The following MACROD1 variants were observed in gnomAD, a reference collection of about 807,000 sequenced individuals.
MACROD1 encodes the protein ADP-ribose glycohydrolase MACROD1.
A neutral mutation model predicts 41.4 loss-of-function variants in MACROD1; 31 were observed. That is an observed-to-expected ratio of 0.75 (90% CI 0.56 to 1.01). MACROD1 has a LOEUF of 1.01. Ranked by LOEUF, MACROD1 falls within the 50% of genes least tolerant of loss-of-function variation. MACROD1 has a pLI of 0.00. For synonymous variants in MACROD1, 252 were observed against 203.4 expected, an observed-to-expected ratio of 1.24 and a Z score of -2.03; for missense variants, 473 against 460.0, an observed-to-expected ratio of 1.03 and a Z score of -0.26.
At chr11:64,071,930 T>C (rs946056101) in intron 3 of MACROD1, among the ~76,000 whole-genome samples, 1 of 152,200 alleles carries the variant, frequency 6.6e-6, no homozygotes, top group African/African-American at 2.4e-5. Context: ...GTGACACTTC[T>C]AGGTCCCGGC....
At chr11:63,998,744 C>G in intron 10 of MACROD1, 57 bp from the exon 11 acceptor site, 1 of 1,419,484 alleles carries the variant, frequency 7.0e-7, no homozygotes, top group Non-Finnish European at 9.2e-7. Flanking sequence ...CCCAGGCTGC[C>G]CCGTGGTTTC....
Position 63,999,031 on chromosome 11 carries a change from G to C in MACROD1, c.897C>G (p.Asp299Glu), listed in dbSNP as rs756410864. 10 of 1,603,022 alleles carry C rather than the reference G, an allele frequency of 6.2e-6. No homozygotes were observed. The South Asian group carries it at 1.1e-4, about 18-fold the overall frequency. The stretch of plus-strand genomic sequence containing the variant: ...CGAGGAACACGCAGATGATCAGCCG[G>C]TCCACCTGCGCCAGGGGCTGCTCAG... ...EWLEQHKDKV[D>E]RLIICVFLEK... Residue 299 changes from aspartate (D) to glutamate (E), a missense_variant, in exon 9 of 11, where the codon GAC (aspartate) becomes GAG (glutamate). Asp to Glu is a conservative substitution (Grantham distance 45). Transcript: ENST00000255681.
chr11:64,161,258 G>C (rs756130420), intron 1 of MACROD1, among the ~76,000 whole-genome samples: 3 of 152,212 alleles, frequency 2.0e-5, no homozygotes, highest in Non-Finnish European at 4.4e-5. Context: ...CAATGAAAAA[G>C]AGGGAACCAT....
chr11:64,121,754 G>A (rs572015757), intron 3 of MACROD1, among the ~76,000 whole-genome samples: 4 of 152,314 alleles, frequency 2.6e-5, no homozygotes, highest in Middle Eastern at 3.4e-3. Context: ...GAACGTCCGC[G>A]GCTGGGCTGA....
intron 3 of MACROD1, among the ~76,000 whole-genome samples, chr11:64,113,039 C>A (rs1944890596): frequency 6.6e-6 from 1 of 152,208 alleles, no homozygotes; most frequent in Admixed American, 6.5e-5. Flanking sequence ...GTGTGACCTG[C>A]AACCCACAGA....
At chr11:64,059,241 C>T (rs899013454) in intron 3 of MACROD1, among the ~76,000 whole-genome samples, 2 of 152,104 alleles carry the variant, frequency 1.3e-5, no homozygotes, top group East Asian at 1.9e-4. Context: ...TCTTGCCGAG[C>T]GGGGAAAGGG....
rs768849281 is a variant in MACROD1, at chr11:64,018,896, G to A, written c.518-3615C>T. Among the ~76,000 whole-genome samples the A allele has an allele frequency of 8.5e-5, 13 of 152,288 alleles. No individual in the cohort carries two copies. In the East Asian group the frequency reaches 9.7e-4, roughly 11 times the overall value. On this transcript the variant is annotated intron_variant, in intron 3 of 10. Coordinates refer to ENST00000255681, the MANE Select transcript of MACROD1 (RefSeq NM_014067.4). ...TGCTGAAGGCGTGGTGGCTTCAGGC[G>A]GGCAGTGGCTGTGTGAGGTGGGGGA...
chr11:64,038,690 C>T (rs1343842153), intron 3 of MACROD1, among the ~76,000 whole-genome samples: 1 of 152,186 alleles, frequency 6.6e-6, no homozygotes, highest in Non-Finnish European at 1.5e-5. Context: ...AGAGATGGGG[C>T]CTGTATGGGA....
At chr11:64,131,249 C>T (rs368187743) in intron 3 of MACROD1, among the ~76,000 whole-genome samples, 6 of 152,328 alleles carry the variant, frequency 3.9e-5, no homozygotes, top group Admixed American at 1.3e-4. Context: ...CCCAGCTTGG[C>T]CATAGCTCAG....
chr11:64,118,427 G>C, intron 3 of MACROD1: 1 of 1,125,968 alleles, frequency 8.9e-7, no homozygotes, highest in Non-Finnish European at 1.2e-6. Context: ...AGAAAGCAAA[G>C]TTTGGGGAGG....
intron 3 of MACROD1, among the ~76,000 whole-genome samples, chr11:64,055,311 T>C (rs1943764694): frequency 6.6e-6 from 1 of 152,210 alleles, no homozygotes; most frequent in Non-Finnish European, 1.5e-5. Flanking sequence ...AATGCCATCA[T>C]CACACTCAGA....
chr11:64,077,274 G>A (rs1468429097), intron 3 of MACROD1, among the ~76,000 whole-genome samples: 3 of 152,172 alleles, frequency 2.0e-5, no homozygotes, highest in Admixed American at 1.3e-4. Context: ...TACCCCAGGC[G>A]GCCAGCTGGA....
Position 64,156,194 on chromosome 11 carries a change from T to A in MACROD1, c.299-3801A>T, listed in dbSNP as rs1288289120. ...TGCCTGTGAGGCTGAGGCAGGAGGA[T>A]CGCTTCAGCCTGGGAGGTCAAGGCT... On this transcript the variant is annotated intron_variant, in intron 1 of 10. Transcript: ENST00000255681. Among the ~76,000 whole-genome samples the A allele has an allele frequency of 2.6e-5, 4 of 151,324 alleles. No individual in the cohort carries two copies. In the East Asian group the frequency reaches 7.8e-4, roughly 29 times the overall value.
chr11:64,145,975 G>A (rs1945489912), intron 3 of MACROD1, among the ~76,000 whole-genome samples: 1 of 152,062 alleles, frequency 6.6e-6, no homozygotes, highest in Admixed American at 6.6e-5. Context: ...TCACCATGTT[G>A]GCCAGGCTGC....
At chr11:64,050,853 A>T (rs1943680083) in intron 3 of MACROD1, among the ~76,000 whole-genome samples, 1 of 152,206 alleles carries the variant, frequency 6.6e-6, no homozygotes. Context: ...TCCTGACCTC[A>T]GGTGATCCGC....
chr11:64,142,729 G>T (rs971357739), intron 3 of MACROD1, among the ~76,000 whole-genome samples: 1 of 152,204 alleles, frequency 6.6e-6, no homozygotes, highest in Non-Finnish European at 1.5e-5. Context: ...TTTCTAATGT[G>T]GGGAGGGGGC....
chr11:64,066,713 G>A (rs1374596347), intron 3 of MACROD1, among the ~76,000 whole-genome samples: 3 of 151,710 alleles, frequency 2.0e-5, no homozygotes, highest in African/African-American at 7.3e-5. Context: ...GTGGGAATAC[G>A]ATGAGAGCCC....
chr11:64,002,912 G>A (rs566237760), intron 4 of MACROD1, among the ~76,000 whole-genome samples: 65 of 152,290 alleles, frequency 4.3e-4, no homozygotes, highest in African/African-American at 1.5e-3. Context: ...GCTACCTGGT[G>A]GAGGTGGGGT....
At chr11:64,065,617 G>A (rs180788944) in intron 3 of MACROD1, among the ~76,000 whole-genome samples, 9,059 of 102,824 alleles carry the variant, frequency 0.088, 914 homozygotes, top group African/African-American at 0.22. Flanking sequence ...GTGAAACCCA[G>A]TCTCTACTAA....
Sources: allele counts gnomAD v4.1 joint callset (sites outside exome capture counted in the v4.1 genomes callset), GRCh38; gene constraint gnomAD v4.1.1; transcripts MANE v1.5; gene names NCBI Gene and HGNC (gene_info 2026-07-23, HGNC 2026-07-21).